Variants in SLC24A2 observed in about 807,000 individuals in gnomAD.
The protein encoded by SLC24A2 is sodium/potassium/calcium exchanger 2.
A neutral mutation model predicts 62.0 loss-of-function variants in SLC24A2; 36 were observed. The ratio of observed to expected loss-of-function variants is 0.58; its 90% confidence interval spans 0.44 to 0.77. The LOEUF (loss-of-function observed/expected upper bound fraction) is 0.77, where lower values mean the gene tolerates loss of function less well. Ranked by LOEUF, SLC24A2 falls within the 30% of genes least tolerant of loss-of-function variation. The probability of loss-of-function intolerance (pLI) is 0.00; values close to 1 mark genes in which losing one functional copy is unlikely to be tolerated. For synonymous variants in SLC24A2, 358 were observed against 294.0 expected, an observed-to-expected ratio of 1.22 and a Z score of -2.23; for missense variants, 846 against 817.9, an observed-to-expected ratio of 1.03 and a Z score of -0.42.
At chr9:19,593,636 T>C (rs907641465) in intron 5 of SLC24A2, among the ~76,000 whole-genome samples, 5 of 152,152 alleles carry the variant, frequency 3.3e-5, no homozygotes, top group Non-Finnish European at 7.3e-5. Context: ...GATGCCCTCA[T>C]TCTTAGTCTA....
At chr9:19,565,281 A>C (rs1479179972) in intron 7 of SLC24A2, among the ~76,000 whole-genome samples, 2 of 150,376 alleles carry the variant, frequency 1.3e-5, no homozygotes, top group Non-Finnish European at 3.0e-5. Context: ...AGGATACAAA[A>C]TCAATGTGCA....
chr9:20,075,015 T>A, the SLC24A2 span, among the ~76,000 whole-genome samples: 1 of 152,184 alleles, frequency 6.6e-6, no homozygotes, highest in South Asian at 2.1e-4. Flanking sequence ...TGGAAATGTA[T>A]AAGCTCCATT....
chr9:20,259,519 G>T, the SLC24A2 span, among the ~76,000 whole-genome samples: 2 of 152,100 alleles, frequency 1.3e-5, no homozygotes, highest in Non-Finnish European at 2.9e-5. Context: ...ATGAGCAGTG[G>T]TTGAAGAAAA....
chr9:19,801,073 A>ATT, the SLC24A2 span, among the ~76,000 whole-genome samples: 1 of 152,178 alleles, frequency 6.6e-6, no homozygotes, highest in South Asian at 2.1e-4. Context: ...AGCTCCCAAG[A>ATT]TGGTGGCCGG....
chr9:19,900,140 T>C, the SLC24A2 span, among the ~76,000 whole-genome samples: 1 of 152,346 alleles, frequency 6.6e-6, no homozygotes, highest in African/African-American at 2.4e-5. Flanking sequence ...CTCTGTGCTC[T>C]GCCCTAGAAT....
chr9:19,908,808 G>T, the SLC24A2 span, among the ~76,000 whole-genome samples: 2 of 152,124 alleles, frequency 1.3e-5, no homozygotes, highest in African/African-American at 4.8e-5. Context: ...GTTAGAATGG[G>T]GATCATTAAC....
intron 2 of SLC24A2, among the ~76,000 whole-genome samples, chr9:19,750,972 C>A (rs867190993): frequency 6.6e-6 from 1 of 152,184 alleles, no homozygotes; most frequent in African/African-American, 2.4e-5. Flanking sequence ...GCTTCCTTCT[C>A]GACTGAAGAT....
Position 19,516,368 on chromosome 9 carries a change from G to C in SLC24A2, c.1771C>G (p.His591Asp), listed in dbSNP as rs1832928189. ...PLPWLLYTVI[H>D]RFQPVAVSSN... is the part of the protein sequence containing the mutation. ...CTGACAGCCACTGGCTGGAATCTGT[G>C]AATGACGGTGTACAGGAGCCAGGGC... is the stretch of plus-strand genomic sequence containing the variant. The change falls in exon 11 of 11, where the codon CAC (histidine) becomes GAC (aspartate). Residue 591 changes from histidine (H) to aspartate (D), a missense_variant. Coordinates refer to ENST00000341998, the MANE Select transcript of SLC24A2 (RefSeq NM_020344.4). The C allele has an allele frequency of 2.5e-6, 4 of 1,614,094 alleles. No individual in the cohort carries two copies. Among genetic ancestry groups the C allele is most frequent in the Non-Finnish European group, 3.4e-6 (4 of 1,179,990 alleles).
chr9:20,050,452 T>C, the SLC24A2 span, among the ~76,000 whole-genome samples: 1 of 151,966 alleles, frequency 6.6e-6, no homozygotes, highest in Non-Finnish European at 1.5e-5. Context: ...GCAAGACAAT[T>C]TAACTTTCCA....
chr9:20,028,757 C>G, the SLC24A2 span, among the ~76,000 whole-genome samples: 1 of 152,316 alleles, frequency 6.6e-6, no homozygotes, highest in African/African-American at 2.4e-5. Context: ...CCTGTCTGTC[C>G]TCCTCCTTTG....
the SLC24A2 span, among the ~76,000 whole-genome samples, chr9:19,892,549 G>C: frequency 2.6e-5 from 4 of 152,262 alleles, no homozygotes; most frequent in Middle Eastern, 3.4e-3. Flanking sequence ...AATATCCACT[G>C]TCCACACATC....
chr9:19,730,639 A>G (rs556676810), intron 2 of SLC24A2, among the ~76,000 whole-genome samples: 1 of 152,150 alleles, frequency 6.6e-6, no homozygotes, highest in South Asian at 2.1e-4. Flanking sequence ...CTAGTTTAAG[A>G]GTCATTGTTT....
rs1029554700 is a variant in SLC24A2, at chr9:19,733,129, T to C, written c.930+52808A>G. Among the ~76,000 whole-genome samples, 11 of 151,974 alleles carry C rather than the reference T, an allele frequency of 7.2e-5. No individual in the cohort carries two copies. In the South Asian group the frequency reaches 1.9e-3, roughly 26 times the overall value. ...CTGGGCATGTGAGCTACCTTCTGGATGGTATCTTGGTCCAAGTTTCCAGAA... is the reference window on the plus strand; with the variant it reads ...CTGGGCATGTGAGCTACCTTCTGGACGGTATCTTGGTCCAAGTTTCCAGAA... On this transcript the variant is annotated intron_variant, in intron 2 of 10. Transcript: ENST00000341998.
intron 2 of SLC24A2, among the ~76,000 whole-genome samples, chr9:19,775,323 T>C (rs1410674009): frequency 6.6e-6 from 1 of 152,234 alleles, no homozygotes; most frequent in African/African-American, 2.4e-5. Context: ...ACATTTCTTT[T>C]CCACCTGATG....
the SLC24A2 span, among the ~76,000 whole-genome samples, chr9:20,220,783 A>G: frequency 2.6e-4 from 40 of 152,260 alleles, no homozygotes; most frequent in African/African-American, 9.4e-4. Flanking sequence ...GATTCTCTAC[A>G]GTTCTTCTTT....
chr9:19,676,623 A>G (rs1819568428), intron 2 of SLC24A2, among the ~76,000 whole-genome samples: 1 of 152,162 alleles, frequency 6.6e-6, no homozygotes, highest in African/African-American at 2.4e-5. Flanking sequence ...AAAATTAGGT[A>G]AGTAAGATAA....
chr9:19,576,815 AGCG>A, intron 6 of SLC24A2, 106 bp downstream of exon 6: 1 of 518,492 alleles, frequency 1.9e-6, no homozygotes, highest in Middle Eastern at 4.2e-4. Context: ...GCTGTGCTGC[AGCG>A]GTGTGTGTGT....
intron 3 of SLC24A2, 75 bp downstream of exon 3, chr9:19,622,186 C>T (rs1817924058): frequency 7.3e-6 from 9 of 1,236,018 alleles, no homozygotes; most frequent in East Asian, 2.3e-5. Context: ...GCACACAAAC[C>T]CGTCTCACTC....
chr9:20,132,757 C>T, the SLC24A2 span, among the ~76,000 whole-genome samples: 1 of 152,024 alleles, frequency 6.6e-6, no homozygotes, highest in Non-Finnish European at 1.5e-5. Context: ...ATTATAAATG[C>T]TAAAACTTAG....
Sources: gnomAD v4.1 joint callset for allele counts (sites outside exome capture counted in the v4.1 genomes callset) on GRCh38, gnomAD v4.1.1 for gene constraint, MANE v1.5 for transcripts, NCBI Gene and HGNC (gene_info 2026-07-23, HGNC 2026-07-21) for gene names.